The following RAPGEF2 variants were observed in gnomAD, a reference collection of about 807,000 sequenced individuals.
The protein encoded by RAPGEF2 is Rap guanine nucleotide exchange factor 2.
In RAPGEF2, 54 loss-of-function variants were observed where a neutral mutation model predicts 186.7. That is an observed-to-expected ratio of 0.29 (90% CI 0.23 to 0.36). RAPGEF2 has a LOEUF of 0.36. RAPGEF2 is among the 10% of genes least tolerant of loss of function. RAPGEF2 has a pLI of 1.00. For missense variants in RAPGEF2, 1,532 were observed against 2,045.0 expected, an observed-to-expected ratio of 0.75 and a Z score of 4.84; for synonymous variants, 712 against 705.9, an observed-to-expected ratio of 1.01 and a Z score of -0.14.
intron 1 of RAPGEF2, among the ~76,000 whole-genome samples, chr4:159,142,615 A>G (rs1742475986): frequency 6.6e-6 from 1 of 152,078 alleles, no homozygotes; most frequent in Admixed American, 6.5e-5. Context: ...TAAACAAAAT[A>G]AATGTAAATG....
chr4:159,286,873 A>G (rs191809310), intron 7 of RAPGEF2, among the ~76,000 whole-genome samples: 173 of 152,282 alleles, frequency 1.1e-3, no homozygotes, highest in African/African-American at 3.8e-3. Flanking sequence ...GTTGTTGTTC[A>G]TGTTATTACT....
intron 4 of RAPGEF2, among the ~76,000 whole-genome samples, chr4:159,212,728 A>G (rs1056073306): frequency 2.6e-5 from 4 of 152,228 alleles, no homozygotes; most frequent in Non-Finnish European, 4.4e-5. Flanking sequence ...TTTGAAATTT[A>G]TGTCTTAAAA....
intron 4 of RAPGEF2, among the ~76,000 whole-genome samples, chr4:159,225,196 C>T (rs187798233): frequency 6.6e-5 from 10 of 152,136 alleles, no homozygotes; most frequent in Admixed American, 6.5e-4. Flanking sequence ...GTACTTATAG[C>T]CATGTCAGAA....
At chr4:159,233,072 T>G (rs1561118748) in intron 4 of RAPGEF2, among the ~76,000 whole-genome samples, 1 of 152,250 alleles carries the variant, frequency 6.6e-6, no homozygotes, top group African/African-American at 2.4e-5. Flanking sequence ...TTATCAGATA[T>G]GTGATTTACA....
intron 7 of RAPGEF2, among the ~76,000 whole-genome samples, chr4:159,276,506 C>T (rs1488683647): frequency 6.6e-6 from 1 of 152,088 alleles, no homozygotes; most frequent in Admixed American, 6.5e-5. Context: ...AATAGCTAAA[C>T]TAATTTTCAC....
chr4:159,302,768 T>C (rs6840793), intron 7 of RAPGEF2, among the ~76,000 whole-genome samples: 3,797 of 151,876 alleles, frequency 0.025, 161 homozygotes, highest in African/African-American at 0.086. Context: ...CATATTTTTT[T>C]ATTTTTTTTA....
intron 1 of RAPGEF2, among the ~76,000 whole-genome samples, chr4:159,130,918 C>T (rs1302171633): frequency 6.6e-6 from 1 of 152,162 alleles, no homozygotes; most frequent in Admixed American, 6.5e-5. Context: ...CCATGTTGCC[C>T]AGGCTGGTCT....
At chr4:159,316,399 C>T (rs1367190482) in intron 9 of RAPGEF2, among the ~76,000 whole-genome samples, 1 of 152,010 alleles carries the variant, frequency 6.6e-6, no homozygotes, top group Non-Finnish European at 1.5e-5. Context: ...GGTCTCTTGC[C>T]TCGGCACCTG....
In RAPGEF2 at chr4:159,106,151, T is replaced by A. The variant is rs150924673; in HGVS notation, c.69+1920T>A. ...GGCCAGCTACTACTAACCCACGACA[T>A]GAAAGCTTTATTGACAGTCGGAAGG... On this transcript the variant is annotated intron_variant, in intron 1 of 29. Coordinates refer to ENST00000691494, the MANE Select transcript of RAPGEF2 (RefSeq NM_001394067.2). 1.1e-3 allele frequency among the ~76,000 whole-genome samples: 173 copies of A among 152,342 alleles called. 3 individuals carry two copies. The East Asian group carries it at 0.02, about 17-fold the overall frequency.
chr4:159,241,669 T>A (rs1395470972), intron 6 of RAPGEF2, among the ~76,000 whole-genome samples: 2 of 151,772 alleles, frequency 1.3e-5, no homozygotes, highest in African/African-American at 4.8e-5. Context: ...CTAGCTCCTT[T>A]ATTTCTTAAG....
At chr4:159,244,239 C>G (rs538056744) in intron 7 of RAPGEF2, among the ~76,000 whole-genome samples, 1 of 151,826 alleles carries the variant, frequency 6.6e-6, no homozygotes, top group African/African-American at 2.4e-5. Flanking sequence ...AATGGGAGAA[C>G]ATTTTGGGAG....
intron 1 of RAPGEF2, among the ~76,000 whole-genome samples, chr4:159,118,364 A>G (rs1372226110): frequency 6.6e-6 from 1 of 152,204 alleles, no homozygotes; most frequent in African/African-American, 2.4e-5. Context: ...GTTGCAGGAA[A>G]ACAAGCTCAG....
Position 159,243,805 on chromosome 4 carries a change from T to C in RAPGEF2, c.543+14T>C. On this transcript the variant is annotated intron_variant, in intron 7 of 29. Coordinates refer to ENST00000691494, the MANE Select transcript of RAPGEF2 (RefSeq NM_001394067.2). Reference sequence around the variant, plus strand: ...ACTAAATCTCAGGTATTGTAATTTGTGTGTGGTCTTCTGACACTAACCTAA... The same window carrying C: ...ACTAAATCTCAGGTATTGTAATTTGCGTGTGGTCTTCTGACACTAACCTAA... 1 of 1,274,968 alleles carries C rather than the reference T, an allele frequency of 7.8e-7. No individual in the cohort carries two copies. The highest frequency in any genetic ancestry group is 1.2e-5 in the South Asian group (1 of 80,632). The allele number at this position is 1,274,968 out of a possible 1,614,324, so 79.0% of individuals were successfully genotyped here.
chr4:159,122,256 G>T (rs1236008678), intron 1 of RAPGEF2, among the ~76,000 whole-genome samples: 1 of 151,882 alleles, frequency 6.6e-6, no homozygotes, highest in Non-Finnish European at 1.5e-5. Flanking sequence ...TGAGGCAGGC[G>T]GATCATGAGG....
chr4:159,257,856 T>A (rs987206671), intron 7 of RAPGEF2, among the ~76,000 whole-genome samples: 1 of 152,204 alleles, frequency 6.6e-6, no homozygotes, highest in Non-Finnish European at 1.5e-5. Flanking sequence ...CAGGGTAGCA[T>A]GATGCCTCCA....
chr4:159,156,227 A>G (rs1256490949), intron 1 of RAPGEF2, among the ~76,000 whole-genome samples: 1 of 152,222 alleles, frequency 6.6e-6, no homozygotes, highest in African/African-American at 2.4e-5. Context: ...TTCTCAATAG[A>G]AATGAAAAAT....
At chr4:159,326,913 A>G (rs1766005992) in intron 11 of RAPGEF2, 1 of 152,216 alleles carries the variant, frequency 6.6e-6, no homozygotes, top group Admixed American at 6.5e-5. Context: ...CAAGTGGGGA[A>G]TGAACACTTG....
chr4:159,221,941 T>C (rs1751584202), intron 4 of RAPGEF2, among the ~76,000 whole-genome samples: 1 of 152,260 alleles, frequency 6.6e-6, no homozygotes, highest in East Asian at 1.9e-4. Flanking sequence ...AAGTATATTC[T>C]ACTTTAAATG....
At chr4:159,220,973 A>G (rs1436670648) in intron 4 of RAPGEF2, among the ~76,000 whole-genome samples, 1 of 152,200 alleles carries the variant, frequency 6.6e-6, no homozygotes, top group East Asian at 1.9e-4. Context: ...TATAGAGGAG[A>G]AAACCAGGGA....
Sources: gnomAD v4.1 joint callset for allele counts (sites outside exome capture counted in the v4.1 genomes callset) on GRCh38, gnomAD v4.1.1 for gene constraint, MANE v1.5 for transcripts, NCBI Gene and HGNC (gene_info 2026-07-23, HGNC 2026-07-21) for gene names.